The following DPH6 variants were observed in gnomAD, a reference collection of about 807,000 sequenced individuals.
DPH6 encodes the protein diphthamine biosynthesis 6.
Under a neutral mutation model 38.2 loss-of-function variants are expected in DPH6, and 33 were observed. The ratio of observed to expected loss-of-function variants is 0.86; its 90% CI spans 0.65 to 1.15. The LOEUF (loss-of-function observed/expected upper bound fraction) is 1.15. Among genes scored for constraint, DPH6 ranks in the 50% most tolerant of loss-of-function variants. The pLI is 0.00. For synonymous variants in DPH6, 108 were observed against 103.0 expected, an observed-to-expected ratio of 1.05 and a Z score of -0.30; for missense variants, 325 against 320.0, an observed-to-expected ratio of 1.02 and a Z score of -0.12.
At chr15:35,381,425 A>C (rs2052862995) in intron 7 of DPH6, among the ~76,000 whole-genome samples, 1 of 152,184 alleles carries the variant, frequency 6.6e-6, no homozygotes, top group Non-Finnish European at 1.5e-5. Context: ...AGCCAAGAAA[A>C]AGAAAAAAGA....
chr15:35,476,232 A>G (rs1231043203), intron 3 of DPH6, among the ~76,000 whole-genome samples: 1 of 151,820 alleles, frequency 6.6e-6, no homozygotes, highest in Non-Finnish European at 1.5e-5. Context: ...AAGATTCCTA[A>G]TTTCTCTGGA....
chr15:35,272,918 AC>A (rs1481609145), intron 3 of DPH6, among the ~76,000 whole-genome samples: 1 of 151,006 alleles, frequency 6.6e-6, no homozygotes. Flanking sequence ...AAAAAAAAAA[AC>A]AAACCAAAAA....
the DPH6 span, among the ~76,000 whole-genome samples, chr15:35,148,884 C>T: frequency 1.3e-5 from 2 of 152,062 alleles, no homozygotes; most frequent in Admixed American, 6.5e-5. Context: ...GTGCATAAAA[C>T]ACTATTAGCA....
downstream of DPH6, among the ~76,000 whole-genome samples, chr15:35,368,216 A>C (rs563369150): frequency 6.6e-6 from 1 of 152,012 alleles, no homozygotes; most frequent in Admixed American, 6.6e-5. Context: ...TGTAGGATTA[A>C]GTAGTTAAAA....
intron 8 of DPH6, among the ~76,000 whole-genome samples, chr15:35,372,870 T>C (rs535026803): frequency 2.6e-5 from 4 of 152,114 alleles, no homozygotes; most frequent in African/African-American, 9.6e-5. Flanking sequence ...AATCCTTTTC[T>C]GTCACTACAC....
chr15:35,198,153 T>A, the DPH6 span, among the ~76,000 whole-genome samples: 2 of 151,536 alleles, frequency 1.3e-5, no homozygotes, highest in African/African-American at 4.8e-5. Context: ...TTTTTCTAAT[T>A]TTTCCATTTA....
chr15:35,477,510 C>T (rs1205124508), intron 3 of DPH6, among the ~76,000 whole-genome samples: 1 of 151,800 alleles, frequency 6.6e-6, no homozygotes, highest in Non-Finnish European at 1.5e-5. Context: ...CCATCATACA[C>T]ATGGATAGTA....
At chr15:35,444,705 T>C (rs1187061964) in intron 5 of DPH6, among the ~76,000 whole-genome samples, 2 of 152,228 alleles carry the variant, frequency 1.3e-5, no homozygotes, top group Non-Finnish European at 2.9e-5. Context: ...TTAAATACTC[T>C]ATGAGTCCAG....
chr15:35,207,038 CTTTTTT>C, the DPH6 span, among the ~76,000 whole-genome samples: 4 of 74,066 alleles, frequency 5.4e-5, no homozygotes, highest in African/African-American at 1.6e-4. Context: ...TTTAGTAAAG[CTTTTTT>C]TTTTTTTTTT....
chr15:35,298,639 G>C lies in DPH6; in HGVS notation n.200+74882C>G, dbSNP rs1443502681. 29 of 1,076,040 alleles carry C rather than the reference G, an allele frequency of 2.7e-5. No homozygotes were observed. In the South Asian group the frequency reaches 3.4e-4, roughly 13 times the overall value. 66.7% of individuals were successfully genotyped at this position (1,076,040 alleles called of 1,614,324 possible). A position where few individuals can be genotyped will look rare whatever the true frequency, so the allele number is the denominator to read the frequency against. On this transcript the variant is annotated intron_variant and non_coding_transcript_variant, in intron 3 of 3. Transcript: ENST00000560386. Reference sequence around the variant, plus strand: ...CCACGATGATCTTGCCACCAAGCTTGCTGGTCTTCTCCACCGAAAAGGCGG... The same window carrying C: ...CCACGATGATCTTGCCACCAAGCTTCCTGGTCTTCTCCACCGAAAAGGCGG...
In DPH6 at chr15:35,230,922, G is replaced by A. The variant is rs368801201; in HGVS notation, n.201-10340C>T. ...CCACTTTTCCATCTCCTCTCCTCAA[G>A]TTGAAAGAAGAGGTCTCTATTGGAT... On this transcript the variant is annotated intron_variant and non_coding_transcript_variant, in intron 3 of 3. Coordinates refer to the DPH6 transcript ENST00000560386. Among the ~76,000 whole-genome samples the A allele has an allele frequency of 1.2e-3, 181 of 152,302 alleles. 8 individuals are homozygous for A. The highest frequency in any genetic ancestry group is 9.3e-4 in the Non-Finnish European group (63 of 68,024).
At chr15:35,192,393 T>C in the DPH6 span, among the ~76,000 whole-genome samples, 4 of 152,230 alleles carry the variant, frequency 2.6e-5, no homozygotes, top group African/African-American at 9.6e-5. Flanking sequence ...TCCTTTATTC[T>C]ACCTTATCCT....
chr15:35,537,457 A>T (rs2141555393), intron 3 of DPH6, among the ~76,000 whole-genome samples: 1 of 152,244 alleles, frequency 6.6e-6, no homozygotes, highest in South Asian at 2.1e-4. Context: ...ACTGAACTGT[A>T]TTCAAATAGT....
intron 3 of DPH6, chr15:35,520,236 A>AAAAAC: frequency 1.2e-6 from 1 of 814,358 alleles, no homozygotes; most frequent in African/African-American, 1.9e-5. Flanking sequence ...AAAACAAAAA[A>AAAAAC]AAAACAAAAG....
At chr15:35,332,188 A>G (rs1044290283) in intron 3 of DPH6, among the ~76,000 whole-genome samples, 1 of 152,202 alleles carries the variant, frequency 6.6e-6, no homozygotes, top group African/African-American at 2.4e-5. Flanking sequence ...AAAATAATTT[A>G]TAAAAATAAT....
At chr15:35,404,479 T>C (rs1344127958) in intron 6 of DPH6, among the ~76,000 whole-genome samples, 5 of 152,320 alleles carry the variant, frequency 3.3e-5, no homozygotes, top group Admixed American at 1.3e-4. Flanking sequence ...TGATCAATGA[T>C]GTTGAACACC....
chr15:35,263,439 T>G (rs1437215614), intron 3 of DPH6, among the ~76,000 whole-genome samples: 1 of 137,196 alleles, frequency 7.3e-6, no homozygotes, highest in Non-Finnish European at 1.5e-5. Flanking sequence ...AGGGTCTCAC[T>G]CTCTCGCCTA....
intron 3 of DPH6, among the ~76,000 whole-genome samples, chr15:35,257,568 GTT>G (rs2051716554): frequency 6.6e-6 from 1 of 152,192 alleles, no homozygotes; most frequent in Non-Finnish European, 1.5e-5. Context: ...GACTTGAAGG[GTT>G]ACATGTAACT....
At chr15:35,541,657 A>G (rs2055254851) in intron 2 of DPH6, among the ~76,000 whole-genome samples, 1 of 152,208 alleles carries the variant, frequency 6.6e-6, no homozygotes, top group Non-Finnish European at 1.5e-5. Flanking sequence ...TCCTGTGAGA[A>G]GCAGTAATAC....
Sources: allele counts gnomAD v4.1 joint callset (sites outside exome capture counted in the v4.1 genomes callset), GRCh38; gene constraint gnomAD v4.1.1; transcripts MANE v1.5; gene names NCBI Gene and HGNC (gene_info 2026-07-23, HGNC 2026-07-21).